The following DMRT1 variants were observed in gnomAD, a reference collection of about 807,000 sequenced individuals.
DMRT1 encodes the protein doublesex- and mab-3-related transcription factor 1.
A neutral mutation model predicts 32.3 loss-of-function variants in DMRT1; 7 were observed. That is an observed-to-expected ratio of 0.22 (90% CI 0.12 to 0.41). The LOEUF (loss-of-function observed/expected upper bound fraction) is 0.41. Ranked by LOEUF, DMRT1 falls within the 10% of genes least tolerant of loss-of-function variation. DMRT1 has a pLI of 1.00. For synonymous variants in DMRT1, 278 were observed against 206.1 expected, an observed-to-expected ratio of 1.35 and a Z score of -2.99; for missense variants, 625 against 500.5, an observed-to-expected ratio of 1.25 and a Z score of -2.37.
intron 4 of DMRT1, among the ~76,000 whole-genome samples, chr9:937,919 G>T (rs781529839): frequency 6.6e-6 from 1 of 151,664 alleles, no homozygotes; most frequent in Non-Finnish European, 1.5e-5. Context: ...AGAAACCATT[G>T]TCAAATCCAA....
intron 2 of DMRT1, among the ~76,000 whole-genome samples, chr9:863,177 G>A (rs1815799733): frequency 1.3e-5 from 2 of 149,342 alleles, no homozygotes; most frequent in Non-Finnish European, 3.0e-5. Context: ...AATTAGCCAG[G>A]TGTGGGGGTG....
At chr9:881,700 A>G (rs939646793) in intron 2 of DMRT1, among the ~76,000 whole-genome samples, 8 of 152,236 alleles carry the variant, frequency 5.3e-5, no homozygotes, top group Admixed American at 5.2e-4. Context: ...AAACATCCTC[A>G]GTGTACGAAA....
chr9:881,738 C>T (rs1816743391), intron 2 of DMRT1, among the ~76,000 whole-genome samples: 2 of 152,246 alleles, frequency 1.3e-5, no homozygotes, highest in Admixed American at 6.5e-5. Flanking sequence ...AAGGGATTCT[C>T]TGTAAGACGG....
At chr9:939,263 C>A (rs901853019) in intron 4 of DMRT1, among the ~76,000 whole-genome samples, 1 of 152,236 alleles carries the variant, frequency 6.6e-6, no homozygotes, top group Non-Finnish European at 1.5e-5. Context: ...TACCAGGCCA[C>A]TAAGGACCTC....
intron 2 of DMRT1, among the ~76,000 whole-genome samples, chr9:867,629 T>A (rs1392215708): frequency 6.6e-6 from 1 of 152,152 alleles, no homozygotes; most frequent in African/African-American, 2.4e-5. Flanking sequence ...ATGGCATGTG[T>A]ATTAAGTGGT....
At chr9:909,941 C>T (rs1475184350) in intron 3 of DMRT1, among the ~76,000 whole-genome samples, 2 of 152,126 alleles carry the variant, frequency 1.3e-5, no homozygotes, top group Non-Finnish European at 2.9e-5. Flanking sequence ...CTCCAACCCC[C>T]GGGCTCAAAT....
chr9:861,425 TTC>T (rs1406786981), intron 2 of DMRT1, among the ~76,000 whole-genome samples: 7 of 150,690 alleles, frequency 4.6e-5, no homozygotes, highest in African/African-American at 1.8e-4. Context: ...AGAAGAATTT[TTC>T]CTAGTACAGA....
rs150778115 is a variant in DMRT1 at position 881,109 on chromosome 9, AC to A, written c.539-12795del. 1.3e-4 allele frequency among the ~76,000 whole-genome samples: 19 copies of A among 147,862 alleles called. No homozygotes were observed. In the South Asian group the frequency reaches 1.8e-3, roughly 14 times the overall value. ...GGCCTGATCATGGGGAATTCTATAG[AC>A]CCCCCCCACCTCCTCCTCCTGTGCA... On this transcript the variant is annotated intron_variant, in intron 2 of 4. Transcript: ENST00000382276.
At chr9:918,353 T>A (rs7466768) in intron 4 of DMRT1, among the ~76,000 whole-genome samples, 115,851 of 152,172 alleles carry the variant, frequency 0.76, 44,480 homozygotes, top group South Asian at 0.91. Context: ...GAATATTTTT[T>A]GAAGCACTGG....
At chr9:960,144 A>G (rs1304509354) in intron 4 of DMRT1, among the ~76,000 whole-genome samples, 1 of 152,170 alleles carries the variant, frequency 6.6e-6, no homozygotes, top group Admixed American at 6.5e-5. Context: ...GCCCAGCCTC[A>G]GGAATGGTTA....
chr9:911,411 A>G (rs963649392), intron 3 of DMRT1, among the ~76,000 whole-genome samples: 3 of 147,852 alleles, frequency 2.0e-5, no homozygotes, highest in African/African-American at 5.0e-5. Flanking sequence ...GTTAGAAGAG[A>G]GCAGGAAGTA....
At chr9:870,709 C>CTTTTTTTT (rs58893896) in intron 2 of DMRT1, among the ~76,000 whole-genome samples, 11,642 of 68,972 alleles carry the variant, frequency 0.17, 2,434 homozygotes, top group East Asian at 0.2. Flanking sequence ...ATTTTCTTGA[C>CTTTTTTTT]TTTTTTTTTT....
chr9:888,565 G>A (rs921906504), intron 2 of DMRT1, among the ~76,000 whole-genome samples: 2 of 152,072 alleles, frequency 1.3e-5, no homozygotes, highest in African/African-American at 4.8e-5. Flanking sequence ...CTCCCAAAGT[G>A]CTGGGATTAT....
intron 4 of DMRT1, among the ~76,000 whole-genome samples, chr9:943,762 A>C (rs543870451): frequency 6.6e-6 from 1 of 152,226 alleles, no homozygotes; most frequent in African/African-American, 2.4e-5. Flanking sequence ...GAAGGACCCC[A>C]TTCTCAAGAG....
chr9:962,231 G>A (rs1328867300), intron 4 of DMRT1, among the ~76,000 whole-genome samples: 1 of 152,164 alleles, frequency 6.6e-6, no homozygotes, highest in African/African-American at 2.4e-5. Context: ...GTGCACGCTT[G>A]CTCACCTCTG....
chr9:892,062 C>T (rs961111013), intron 2 of DMRT1, among the ~76,000 whole-genome samples: 3 of 152,084 alleles, frequency 2.0e-5, no homozygotes, highest in African/African-American at 7.2e-5. Flanking sequence ...GCTTGTTGCT[C>T]CTTGCTCTCT....
At chr9:882,437 C>A (rs1816768465) in intron 2 of DMRT1, among the ~76,000 whole-genome samples, 1 of 152,158 alleles carries the variant, frequency 6.6e-6, no homozygotes, top group African/African-American at 2.4e-5. Flanking sequence ...TTTATACATC[C>A]AGAATGTTCT....
intron 2 of DMRT1, among the ~76,000 whole-genome samples, chr9:848,578 G>A (rs1448504637): frequency 5.2e-5 from 7 of 134,736 alleles, no homozygotes; most frequent in Non-Finnish European, 1.1e-4. Context: ...TTTTGAGATG[G>A]AGTCTCACTC....
intron 3 of DMRT1, among the ~76,000 whole-genome samples, chr9:902,323 A>C (rs1232553072): frequency 2.6e-5 from 4 of 151,142 alleles, no homozygotes; most frequent in South Asian, 2.1e-4. Context: ...CCTCCTTCCT[A>C]CACCCCCTCC....
Sources: allele counts gnomAD v4.1 joint callset (sites outside exome capture counted in the v4.1 genomes callset), GRCh38; gene constraint gnomAD v4.1.1; transcripts MANE v1.5; gene names NCBI Gene and HGNC (gene_info 2026-07-23, HGNC 2026-07-21).